GPC6: variants seen among roughly 807,000 people sequenced by gnomAD.
The protein encoded by GPC6 is glypican-6.
In GPC6, 14 loss-of-function variants were observed where a neutral mutation model predicts 55.2. The ratio of observed to expected loss-of-function variants is 0.25; its 90% confidence interval spans 0.17 to 0.40. GPC6 has a LOEUF of 0.40. Among genes scored for constraint, GPC6 ranks in the 10% least tolerant of loss-of-function variants. GPC6 has a pLI of 1.00. For synonymous variants in GPC6, 278 were observed against 259.6 expected, an observed-to-expected ratio of 1.07 and a Z score of -0.68; for missense variants, 641 against 708.5, an observed-to-expected ratio of 0.90 and a Z score of 1.08.
At chr13:93,540,325 A>G (rs1364508322) in intron 1 of GPC6, among the ~76,000 whole-genome samples, 4 of 152,196 alleles carry the variant, frequency 2.6e-5, no homozygotes, top group Admixed American at 2.0e-4. Context: ...TAAGTACCAT[A>G]TATCCATCAA....
Position 93,675,327 on chromosome 13 carries a change from T to TA in GPC6, c.319+129917dup, listed in dbSNP as rs550859233. On this transcript the variant is annotated intron_variant, in intron 2 of 8. Transcript: ENST00000377047. ...GGCGAATGAAGAGTGTTTTTTTCCTTAAAAAAAAAAACATCTATAGTTTTA... is the reference window on the plus strand; with the variant it reads ...GGCGAATGAAGAGTGTTTTTTTCCTTAAAAAAAAAAAACATCTATAGTTTTA... Among the ~76,000 whole-genome samples the TA allele has an allele frequency of 6.9e-3, 1,010 of 145,464 alleles. 7 individuals are homozygous for TA. The highest frequency in any genetic ancestry group is 0.019 in the African/African-American group (762 of 40,042).
At chr13:93,755,198 C>A (rs909499497) in intron 2 of GPC6, among the ~76,000 whole-genome samples, 2 of 152,140 alleles carry the variant, frequency 1.3e-5, no homozygotes, top group East Asian at 3.9e-4. Flanking sequence ...TTAGGACCCA[C>A]CACAATGTAG....
chr13:94,330,011 C>A (rs1269509301), intron 6 of GPC6, among the ~76,000 whole-genome samples: 1 of 152,188 alleles, frequency 6.6e-6, no homozygotes, highest in East Asian at 1.9e-4. Context: ...GAGGCTCCTA[C>A]CATGTTGCTT....
intron 1 of GPC6, among the ~76,000 whole-genome samples, chr13:93,516,198 C>T (rs1440183334): frequency 6.6e-6 from 1 of 152,146 alleles, no homozygotes; most frequent in Non-Finnish European, 1.5e-5. Flanking sequence ...AAAAGGTTCA[C>T]ATCAAAAGAG....
intron 6 of GPC6, among the ~76,000 whole-genome samples, chr13:94,324,546 G>T (rs1355565523): frequency 1.3e-5 from 2 of 152,074 alleles, no homozygotes; most frequent in African/African-American, 4.8e-5. Context: ...GCCACAAGAA[G>T]AATCTTGCAG....
intron 1 of GPC6, among the ~76,000 whole-genome samples, chr13:93,231,373 A>ATGTG (rs1876025731): frequency 2.9e-4 from 5 of 17,338 alleles, no homozygotes; most frequent in African/African-American, 1.6e-3. Flanking sequence ...ATATATATAT[A>ATGTG]TATATACATA....
At chr13:94,091,469 A>G (rs1885477631) in intron 4 of GPC6, among the ~76,000 whole-genome samples, 1 of 152,188 alleles carries the variant, frequency 6.6e-6, no homozygotes, top group South Asian at 2.1e-4. Context: ...AAATCAATAA[A>G]GTATTTCAAA....
chr13:94,092,345 A>G (rs1403794016), intron 4 of GPC6, among the ~76,000 whole-genome samples: 2 of 151,874 alleles, frequency 1.3e-5, no homozygotes, highest in African/African-American at 4.8e-5. Flanking sequence ...TGCTTCTATG[A>G]GTTTGACTTT....
At chr13:93,571,944 A>G (rs1288695293) in intron 2 of GPC6, among the ~76,000 whole-genome samples, 3 of 151,886 alleles carry the variant, frequency 2.0e-5, no homozygotes, top group Non-Finnish European at 4.4e-5. Context: ...TTCATATTTT[A>G]AAAGACATGA....
intron 3 of GPC6, among the ~76,000 whole-genome samples, chr13:93,973,868 G>A (rs111240913): frequency 0.018 from 2,798 of 152,242 alleles, 100 homozygotes; most frequent in African/African-American, 0.064. Flanking sequence ...AAAAAAGACA[G>A]AGAACTAGAT....
chr13:94,403,445 T>C lies in GPC6; in HGVS notation c.*228T>C. 3 of 552,968 alleles carry C rather than the reference T, an allele frequency of 5.4e-6. No individual in the cohort carries two copies. Among genetic ancestry groups the C allele is most frequent in the Non-Finnish European group, 9.7e-6 (3 of 307,780 alleles). The allele number at this position is 552,968 out of a possible 1,614,324, so 34.3% of individuals were successfully genotyped here. A position where few individuals can be genotyped will look rare whatever the true frequency, so the allele number is the denominator to read the frequency against. On this transcript the variant is annotated 3_prime_UTR_variant, in exon 9 of 9. Coordinates refer to ENST00000377047, the MANE Select transcript of GPC6 (RefSeq NM_005708.5). ...CTATCTGTGGGGACCTTGTTTATTC[T>C]AGAGAGAATTCTTACTCAAATTTTT...
intron 3 of GPC6, among the ~76,000 whole-genome samples, chr13:93,926,138 G>C (rs1416129012): frequency 1.3e-5 from 2 of 152,154 alleles, no homozygotes; most frequent in African/African-American, 2.4e-5. Context: ...TAGTCACACA[G>C]TGTCATTTCC....
intron 1 of GPC6, among the ~76,000 whole-genome samples, chr13:93,442,331 G>A (rs1877836424): frequency 6.6e-6 from 1 of 152,132 alleles, no homozygotes; most frequent in Admixed American, 6.5e-5. Context: ...GCAGCCTCCT[G>A]GTTTAAAGTG....
rs1179904551 is a variant in GPC6, at chr13:94,405,347, A to G, written c.*2130A>G. On this transcript the variant is annotated 3_prime_UTR_variant, in exon 9 of 9. Coordinates refer to ENST00000377047, the MANE Select transcript of GPC6 (RefSeq NM_005708.5). ...CACAAATTCCACATAAGACTTCTCT[A>G]TGAAGGACCAGTCATTTACATTGCT... 2.6e-5 allele frequency: 4 copies of G among 152,344 alleles called. No individual in the cohort carries two copies. Among genetic ancestry groups the G allele is most frequent in the East Asian group, 3.9e-4 (2 of 5,190 alleles). The allele number at this position is 152,344 out of a possible 1,614,324, so 9.4% of individuals were successfully genotyped here.
intron 4 of GPC6, among the ~76,000 whole-genome samples, chr13:94,238,139 T>C (rs1187463071): frequency 6.6e-6 from 1 of 152,134 alleles, no homozygotes; most frequent in Non-Finnish European, 1.5e-5. Context: ...GAAATAAAGA[T>C]TCCTTTTTTA....
At chr13:94,202,849 C>A (rs775791514) in intron 4 of GPC6, among the ~76,000 whole-genome samples, 5 of 151,906 alleles carry the variant, frequency 3.3e-5, no homozygotes, top group Non-Finnish European at 2.9e-5. Context: ...CTGGTAAGGC[C>A]AAAAGTGTGA....
In GPC6 at chr13:93,898,124, G is replaced by A. The variant is rs771122428; in HGVS notation, c.711+67579G>A. Among the ~76,000 whole-genome samples, 7 of 152,120 alleles carry A rather than the reference G, an allele frequency of 4.6e-5. No homozygotes were observed. The South Asian group carries it at 6.2e-4, about 13-fold the overall frequency. ...TGACCTCTACAATTGAAGCAATTAT[G>A]TGAATATTTGGAGATTAGTGACTGG... On this transcript the variant is annotated intron_variant, in intron 3 of 8. Coordinates refer to ENST00000377047, the MANE Select transcript of GPC6 (RefSeq NM_005708.5).
intron 3 of GPC6, among the ~76,000 whole-genome samples, chr13:93,918,914 G>T (rs933151769): frequency 6.6e-6 from 1 of 152,192 alleles, no homozygotes; most frequent in African/African-American, 2.4e-5. Flanking sequence ...TCAGTGGTCT[G>T]TGATATGGTT....
intron 3 of GPC6, among the ~76,000 whole-genome samples, chr13:93,954,792 T>C (rs1879424339): frequency 6.6e-6 from 1 of 152,172 alleles, no homozygotes; most frequent in South Asian, 2.1e-4. Flanking sequence ...ATATAAGATG[T>C]AGACTGATAT....
Sources: gnomAD v4.1 joint callset for allele counts (sites outside exome capture counted in the v4.1 genomes callset) on GRCh38, gnomAD v4.1.1 for gene constraint, MANE v1.5 for transcripts, NCBI Gene and HGNC (gene_info 2026-07-23, HGNC 2026-07-21) for gene names.